Variants in RBFOX1 observed in about 807,000 individuals in gnomAD.
RBFOX1 encodes the protein RNA binding fox-1 homolog 1, also known as RNA binding protein fox-1 homolog 1.
A neutral mutation model predicts 57.7 loss-of-function variants in RBFOX1; 8 were observed. The ratio of observed to expected loss-of-function variants is 0.14; its 90% confidence interval spans 0.08 to 0.25. RBFOX1 has a LOEUF of 0.25. RBFOX1 is among the 10% of genes least tolerant of loss of function. The pLI is 1.00. For synonymous variants in RBFOX1, 326 were observed against 222.4 expected (o/e 1.47, Z -4.15); for missense variants, 611 against 548.5 (o/e 1.11, Z -1.14).
At chr16:6,282,904 A>G (rs1220912411) in intron 1 of RBFOX1, among the ~76,000 whole-genome samples, 1 of 152,174 alleles carries the variant, frequency 6.6e-6, no homozygotes, top group African/African-American at 2.4e-5. Flanking sequence ...GTCTCATTTC[A>G]TTGATCCTTA....
At chr16:6,054,326 T>A (rs2095588157) in intron 1 of RBFOX1, among the ~76,000 whole-genome samples, 3 of 152,020 alleles carry the variant, frequency 2.0e-5, no homozygotes, top group Admixed American at 2.0e-4. Context: ...ATAAATAATA[T>A]ATAAGTAATA....
chr16:6,904,937 C>T (rs1170480691), intron 3 of RBFOX1, among the ~76,000 whole-genome samples: 3 of 152,162 alleles, frequency 2.0e-5, no homozygotes, highest in East Asian at 1.9e-4. Flanking sequence ...CTACAATTTG[C>T]TGGGTAAACA....
At chr16:5,478,811 G>C (rs561246996) in intron 2 of RBFOX1, among the ~76,000 whole-genome samples, 1 of 152,156 alleles carries the variant, frequency 6.6e-6, no homozygotes, top group South Asian at 2.1e-4. Context: ...GAGAGAAGAG[G>C]GCATTTATAG....
At chr16:5,381,615 G>C (rs1469521900) in intron 1 of RBFOX1, among the ~76,000 whole-genome samples, 1 of 152,186 alleles carries the variant, frequency 6.6e-6, no homozygotes, top group African/African-American at 2.4e-5. Flanking sequence ...CCTTAGCTGT[G>C]CTAACTCCCC....
intron 3 of RBFOX1, among the ~76,000 whole-genome samples, chr16:7,047,716 C>CTTTTTTTTTTT (rs55636828): frequency 6.3e-5 from 3 of 47,938 alleles, no homozygotes; most frequent in Non-Finnish European, 9.5e-5. Context: ...TCCTGCATTT[C>CTTTTTTTTTTT]TTTTTTTTTT....
chr16:7,270,529 C>G (rs1248671921), intron 4 of RBFOX1, among the ~76,000 whole-genome samples: 4 of 152,200 alleles, frequency 2.6e-5, no homozygotes, highest in African/African-American at 7.2e-5. Flanking sequence ...CAGTTTCAGA[C>G]CTTCTTGCAA....
At chr16:6,946,165 G>C (rs989070925) in intron 3 of RBFOX1, among the ~76,000 whole-genome samples, 4 of 152,226 alleles carry the variant, frequency 2.6e-5, no homozygotes, top group Non-Finnish European at 5.9e-5. Context: ...TTAGGGGTTG[G>C]CAAGTGTTTA....
At chr16:5,367,224 A>C (rs1427373851) in intron 1 of RBFOX1, among the ~76,000 whole-genome samples, 1 of 152,196 alleles carries the variant, frequency 6.6e-6, no homozygotes, top group Non-Finnish European at 1.5e-5. Context: ...AGGGCATTAC[A>C]AGCCTAAAGG....
chr16:5,834,734 C>G (rs55883017), intron 3 of RBFOX1, among the ~76,000 whole-genome samples: 8,510 of 86,734 alleles, frequency 0.098, 634 homozygotes, highest in African/African-American at 0.24. Context: ...TACATAGATA[C>G]ATACATACAT....
chr16:6,817,927 A>C (rs756567493), intron 3 of RBFOX1, among the ~76,000 whole-genome samples: 2 of 151,992 alleles, frequency 1.3e-5, no homozygotes, highest in Admixed American at 6.6e-5. Context: ...CCAAAAATCT[A>C]CTGTGTCTCT....
At chr16:7,331,614 A>G (rs1392638381) in intron 4 of RBFOX1, among the ~76,000 whole-genome samples, 1 of 152,174 alleles carries the variant, frequency 6.6e-6, no homozygotes, top group Non-Finnish European at 1.5e-5. Context: ...AGCTGCCGGT[A>G]CTGCACACAT....
intron 3 of RBFOX1, among the ~76,000 whole-genome samples, chr16:5,796,210 C>T (rs1448160583): frequency 6.6e-6 from 1 of 152,168 alleles, no homozygotes; most frequent in Non-Finnish European, 1.5e-5. Flanking sequence ...ACTTCTGAGG[C>T]TGGGTTCTGA....
At chr16:7,349,705 T>A (rs1408066817) in intron 4 of RBFOX1, among the ~76,000 whole-genome samples, 1 of 152,118 alleles carries the variant, frequency 6.6e-6, no homozygotes, top group Non-Finnish European at 1.5e-5. Context: ...GTTCACCGAT[T>A]TAGTAAATAT....
At chr16:5,449,331 C>T (rs1156872239) in intron 1 of RBFOX1, among the ~76,000 whole-genome samples, 1 of 152,212 alleles carries the variant, frequency 6.6e-6, no homozygotes, top group Non-Finnish European at 1.5e-5. Flanking sequence ...GCCACGGCTG[C>T]CCCTCATCTC....
intron 4 of RBFOX1, among the ~76,000 whole-genome samples, chr16:7,191,151 G>C (rs539546323): frequency 6.6e-6 from 1 of 152,170 alleles, no homozygotes; most frequent in East Asian, 1.9e-4. Flanking sequence ...ATACTTTATA[G>C]TTAGTGCTCT....
intron 4 of RBFOX1, among the ~76,000 whole-genome samples, chr16:5,869,050 A>G (rs2343338): frequency 0.39 from 58,666 of 152,024 alleles, 11,412 homozygotes; most frequent in Non-Finnish European, 0.41. Flanking sequence ...AAGGCTGAGT[A>G]ACTTTCCTAG....
At chr16:5,585,957 C>G (rs539194481) in intron 2 of RBFOX1, among the ~76,000 whole-genome samples, 1 of 152,216 alleles carries the variant, frequency 6.6e-6, no homozygotes, top group South Asian at 2.1e-4. Flanking sequence ...GAAACAGGGT[C>G]TTTACAGATG....
chr16:7,664,074 T>C (rs2145630365), intron 12 of RBFOX1, among the ~76,000 whole-genome samples: 1 of 152,344 alleles, frequency 6.6e-6, no homozygotes, highest in East Asian at 1.9e-4. Flanking sequence ...CTTTGTTTAG[T>C]CTAGATATAA....
chr16:6,553,261 C>G (rs1375972479), intron 2 of RBFOX1, among the ~76,000 whole-genome samples: 1 of 152,268 alleles, frequency 6.6e-6, no homozygotes, highest in South Asian at 2.1e-4. Flanking sequence ...TCAATAGTTT[C>G]CATGAAGTTG....
Sources: allele counts gnomAD v4.1 joint callset (sites outside exome capture counted in the v4.1 genomes callset), GRCh38; gene constraint gnomAD v4.1.1; transcripts MANE v1.5; gene names NCBI Gene and HGNC (gene_info 2026-07-23, HGNC 2026-07-21).